The following FLNB variants were observed in gnomAD, a reference collection of about 807,000 sequenced individuals.
FLNB encodes filamin B.
A neutral mutation model predicts 250.6 loss-of-function variants in FLNB; 111 were observed. The observed-to-expected ratio is 0.44, with a 90% CI of 0.38 to 0.52. The LOEUF is 0.52. Ranked by LOEUF, FLNB falls within the 20% of genes least tolerant of loss-of-function variation. FLNB has a pLI of 0.00. For synonymous variants in FLNB, 1,302 were observed against 1,372.1 expected (o/e 0.95, Z 1.13); for missense variants, 2,869 against 3,447.8 (o/e 0.83, Z 4.20).
At chr3:58,059,884 C>T (rs1392689513) in intron 1 of FLNB, among the ~76,000 whole-genome samples, 1 of 152,176 alleles carries the variant, frequency 6.6e-6, no homozygotes, top group African/African-American at 2.4e-5. Context: ...CCTGTGTACT[C>T]CCGTTTGGGT....
intron 24 of FLNB, among the ~76,000 whole-genome samples, chr3:58,129,329 G>A (rs778666116): frequency 1.1e-4 from 17 of 152,138 alleles, no homozygotes; most frequent in African/African-American, 1.7e-4. Context: ...GGGGAGTGGC[G>A]GATAATGCTT....
chr3:58,145,242 T>A (rs1247779198), intron 32 of FLNB, among the ~76,000 whole-genome samples: 7 of 152,252 alleles, frequency 4.6e-5, no homozygotes, highest in Admixed American at 3.9e-4. Flanking sequence ...AATTTTATTC[T>A]ATTTTGTTTT....
At chr3:58,034,514 G>A (rs1305852490) in intron 1 of FLNB, among the ~76,000 whole-genome samples, 2 of 151,722 alleles carry the variant, frequency 1.3e-5, no homozygotes, top group Non-Finnish European at 2.9e-5. Flanking sequence ...ACCAAGTATC[G>A]CACTTCATTC....
rs1161339931 is a variant in FLNB, at chr3:58,125,752, G to A, written c.4061+9G>A. ...TTCACCGTGGTTACCAGGTAGGCAA[G>A]GCCCTACATTTGGTGTCTTGAGTCT... On this transcript the variant is annotated intron_variant, in intron 23 of 45. Transcript: ENST00000295956. The A allele has an allele frequency of 2.5e-6, 4 of 1,613,792 alleles. No homozygotes were observed. The highest frequency in any genetic ancestry group is 3.4e-6 in the Non-Finnish European group (4 of 1,179,892).
At chr3:58,147,923 G>A (rs1203206754) in intron 34 of FLNB, among the ~76,000 whole-genome samples, 2 of 152,198 alleles carry the variant, frequency 1.3e-5, no homozygotes, top group Non-Finnish European at 2.9e-5. Flanking sequence ...GCCTCTCAAA[G>A]TGTTGGGATT....
chr3:58,170,252 G>C (rs1429679417), intron 45 of FLNB, among the ~76,000 whole-genome samples: 1 of 152,184 alleles, frequency 6.6e-6, no homozygotes, highest in Non-Finnish European at 1.5e-5. Flanking sequence ...CTGTGTGCTA[G>C]GTTTTGACAC....
At chr3:58,103,279 T>G (rs956348348) in intron 9 of FLNB, among the ~76,000 whole-genome samples, 1 of 151,770 alleles carries the variant, frequency 6.6e-6, no homozygotes, top group Non-Finnish European at 1.5e-5. Flanking sequence ...TGTGTGTGTG[T>G]GTGTGTGTGT....
At chr3:58,031,460 T>G (rs2097130973) in intron 1 of FLNB, among the ~76,000 whole-genome samples, 1 of 151,004 alleles carries the variant, frequency 6.6e-6, no homozygotes, top group African/African-American at 2.4e-5. Flanking sequence ...GCCAGGATGG[T>G]CTCAATCTGC....
chr3:58,038,078 A>G (rs2097140670), intron 1 of FLNB, among the ~76,000 whole-genome samples: 1 of 151,714 alleles, frequency 6.6e-6, no homozygotes, highest in Non-Finnish European at 1.5e-5. Context: ...TGCCCAGGCT[A>G]GAGTGCAATG....
chr3:58,070,955 T>C (rs1449014050), intron 1 of FLNB, among the ~76,000 whole-genome samples: 1 of 151,438 alleles, frequency 6.6e-6, no homozygotes, highest in Non-Finnish European at 1.5e-5. Flanking sequence ...CTCTCTTGTT[T>C]TTTTTTTTTT....
chr3:58,082,537 G>A lies in FLNB; in HGVS notation c.787+761G>A, dbSNP rs558027923. Among the ~76,000 whole-genome samples, 18 of 152,206 alleles carry A rather than the reference G, an allele frequency of 1.2e-4. 1 individual carries two copies. In the East Asian group the frequency reaches 3.1e-3, roughly 26 times the overall value. ...TATAATCTCAGCACTTTGAGAGGCC[G>A]AGGCGGGCAGATCACCTGAGGTCAG... is the stretch of plus-strand genomic sequence containing the variant. On this transcript the variant is annotated intron_variant, in intron 4 of 45. Coordinates refer to ENST00000295956, the MANE Select transcript of FLNB (RefSeq NM_001457.4).
chr3:58,012,727 T>TTTGG (rs1468158985), intron 1 of FLNB, among the ~76,000 whole-genome samples: 1 of 152,196 alleles, frequency 6.6e-6, no homozygotes, highest in Non-Finnish European at 1.5e-5. Flanking sequence ...CTCATTGTGT[T>TTTGG]TTGGTTGGTT....
Position 58,142,530 on chromosome 3 carries a change from C to A in FLNB, c.5182-120C>A. 1 of 839,742 alleles carries A rather than the reference C, an allele frequency of 1.2e-6. No individual in the cohort carries two copies. Among genetic ancestry groups the A allele is most frequent in the Non-Finnish European group, 2.0e-6 (1 of 505,788 alleles). The allele number at this position is 839,742 out of a possible 1,614,324, so 52.0% of individuals were successfully genotyped here. On this transcript the variant is annotated intron_variant, in intron 30 of 45. Transcript: ENST00000295956. This position sits in a 1 kb window ranked among gnomAD's most constrained non-coding sequence, Gnocchi z 4.3. ...ACAAAGCCCATACCACAATGGGCAG[C>A]CGCATTCCCAAATCCCGGCCTCACT...
intron 4 of FLNB, among the ~76,000 whole-genome samples, chr3:58,090,354 GTTAAC>G (rs938338647): frequency 5.3e-5 from 8 of 152,160 alleles, no homozygotes; most frequent in African/African-American, 1.9e-4. Context: ...CTGCTTTACA[GTTAAC>G]TTAATTTTTA....
At chr3:58,111,923 C>T in intron 17 of FLNB, 42 bp downstream of exon 17, 1 of 1,507,972 alleles carries the variant, frequency 6.6e-7, no homozygotes, top group Non-Finnish European at 9.2e-7. Flanking sequence ...CCTCTGCCAG[C>T]CGGTGGCACT....
chr3:58,111,689 G>T, intron 16 of FLNB, 102 bp from the exon 17 acceptor site: 1 of 843,780 alleles, frequency 1.2e-6, no homozygotes. Flanking sequence ...CTCACCACTC[G>T]CTAAGTCAGA....
rs533873639 is a variant in FLNB, at chr3:58,064,550, T to G, written c.293-12496T>G. ...AGTATGTGAGTAACTCTAATTCCTG[T>G]TTTCTGGAAAACACACAGGCTGATA... On this transcript the variant is annotated intron_variant, in intron 1 of 45. Coordinates refer to ENST00000295956, the MANE Select transcript of FLNB (RefSeq NM_001457.4). 2.0e-4 allele frequency among the ~76,000 whole-genome samples: 31 copies of G among 152,152 alleles called. No individual in the cohort carries two copies. In the South Asian group the frequency reaches 6.4e-3, roughly 32 times the overall value.
rs546591820 is a variant in FLNB at position 58,090,915 on chromosome 3, A to G, written c.788-3921A>G. On this transcript the variant is annotated intron_variant, in intron 4 of 45. Coordinates refer to ENST00000295956, the MANE Select transcript of FLNB (RefSeq NM_001457.4). ...AACACGGTGAAACCCTGTCTCTACT[A>G]AAAATACAAAAAATTAGCTGGGCGT... Among the ~76,000 whole-genome samples the G allele has an allele frequency of 5.3e-5, 8 of 152,152 alleles. No homozygotes were observed. The East Asian group carries it at 1.5e-3, about 29-fold the overall frequency.
intron 1 of FLNB, among the ~76,000 whole-genome samples, chr3:58,070,991 A>T (rs1354294228): frequency 8.2e-5 from 12 of 146,826 alleles, no homozygotes; most frequent in African/African-American, 3.1e-4. Context: ...TTTGTTGCCC[A>T]GCTTGGAGTG....
Sources: gnomAD v4.1 joint callset for allele counts (sites outside exome capture counted in the v4.1 genomes callset) on GRCh38, gnomAD v4.1.1 for gene constraint, Gnocchi (gnomAD v3.1) non-coding constraint, MANE v1.5 for transcripts, NCBI Gene and HGNC (gene_info 2026-07-23, HGNC 2026-07-21) for gene names.